Variants in EP300 observed in about 807,000 individuals in gnomAD.
EP300 encodes the protein EP300 lysine acetyltransferase, also known as histone acetyltransferase p300.
Under a neutral mutation model 264.0 loss-of-function variants are expected in EP300, and 31 were observed. The observed-to-expected ratio is 0.12, with a 90% CI of 0.09 to 0.16. The LOEUF (loss-of-function observed/expected upper bound fraction) is 0.16, where lower values mean the gene tolerates loss of function less well. Ranked by LOEUF, EP300 falls within the 10% of genes least tolerant of loss-of-function variation. The pLI is 1.00. For missense variants in EP300, 2,766 were observed against 3,052.9 expected, an observed-to-expected ratio of 0.91 and a Z score of 2.21; for synonymous variants, 1,340 against 1,045.4, an observed-to-expected ratio of 1.28 and a Z score of -5.44.
Position 41,152,400 on chromosome 22 carries a change from C to T in EP300, c.3142+50C>T, listed in dbSNP as rs1199225222. 4 of 1,580,992 alleles carry T rather than the reference C, an allele frequency of 2.5e-6. No homozygotes were observed. The South Asian group carries it at 3.4e-5, about 14-fold the overall frequency. On this transcript the variant is annotated intron_variant, in intron 16 of 30. Transcript: ENST00000263253. The stretch of plus-strand genomic sequence containing the variant: ...TGGAGGTAGCTGAAGAAACCAAAGA[C>T]CCAGGGCAGAATTGCGGTCATGCCT...
chr22:41,140,173 T>A lies in EP300; in HGVS notation c.1794T>A (p.Ala598=). The change falls in exon 9 of 31, where the codon GCT becomes GCA. Residue 598 remains alanine, a synonymous_variant. Transcript: ENST00000263253. The part of the protein sequence containing the change: ...VQAIFPTPDP[A]ALKDRRMENL... ...CCATATTTCCTACGCCGGATCCTGCTGCTTTAAAAGACAGACGGATGGAAA... is the reference window on the plus strand; with the variant it reads ...CCATATTTCCTACGCCGGATCCTGCAGCTTTAAAAGACAGACGGATGGAAA... The A allele has an allele frequency of 6.2e-7, 1 of 1,614,186 alleles. No homozygotes were observed. Among genetic ancestry groups the A allele is most frequent in the South Asian group, 1.1e-5 (1 of 91,088 alleles).
intron 1 of EP300, among the ~76,000 whole-genome samples, chr22:41,100,500 C>T (rs911400604): frequency 4.6e-5 from 7 of 152,042 alleles, no homozygotes; most frequent in Non-Finnish European, 1.0e-4. Flanking sequence ...GTTAGCCTTC[C>T]GTATCTGAGG....
chr22:41,100,737 A>T (rs746047400), intron 1 of EP300, among the ~76,000 whole-genome samples: 1 of 152,168 alleles, frequency 6.6e-6, no homozygotes, highest in African/African-American at 2.4e-5. Context: ...TGCAAATACT[A>T]CATGTCCCCT....
chr22:41,113,841 C>T (rs999378968), intron 1 of EP300, among the ~76,000 whole-genome samples: 76 of 152,166 alleles, frequency 5.0e-4, no homozygotes, highest in African/African-American at 1.8e-3. Flanking sequence ...CCACTGCGCC[C>T]GGCCTTTTTA....
At position 41,157,348 on chromosome 22, in the gene EP300, G is replaced by A. The variant is rs2145747730; in HGVS notation, c.3441G>A (p.Glu1147=). 1.9e-6 allele frequency: 3 copies of A among 1,614,078 alleles called. No individual in the cohort carries two copies. Among genetic ancestry groups the A allele is most frequent in the Non-Finnish European group, 2.5e-6 (3 of 1,179,986 alleles). The change falls in exon 18 of 31, where the codon GAG becomes GAA. Residue 1147 remains glutamate (E), a synonymous_variant. Coordinates refer to ENST00000263253, the MANE Select transcript of EP300 (RefSeq NM_001429.4). ...ACAAATACTGCTCCAAGCTCTCTGA[G>A]GTCTTTGAACAAGAAATTGACCCAG... The part of the protein sequence containing the change: ...RVYKYCSKLS[E]VFEQEIDPVM...
chr22:41,109,742 G>A (rs2058778294), intron 1 of EP300, among the ~76,000 whole-genome samples: 2 of 151,364 alleles, frequency 1.3e-5, no homozygotes, highest in Non-Finnish European at 2.9e-5. Context: ...AGGAGGACGG[G>A]AACGGATGGA....
rs775141102 is a variant in EP300 at position 41,150,145 on chromosome 22, G to C, written c.2764G>C (p.Ala922Pro). Residue 922 changes from alanine to proline, a missense_variant, in exon 14 of 31, where the codon GCG (alanine) becomes CCG (proline). Coordinates refer to ENST00000263253, the MANE Select transcript of EP300 (RefSeq NM_001429.4). ...GCCTCGCTCACAGCAGAGCACAGCA[G>C]CGTCTGTTCCTACCCCAACAGCACC... ...QQPRSQQSTAASVPTPTAPLL... is the reference protein window; with the variant it reads ...QQPRSQQSTAPSVPTPTAPLL... 6.2e-7 allele frequency: 1 copy of C among 1,612,246 alleles called. No homozygotes were observed. Among genetic ancestry groups the C allele is most frequent in the Non-Finnish European group, 8.5e-7 (1 of 1,179,906 alleles).
chr22:41,158,534 T>A (rs2059089973), intron 19 of EP300, 34 bp downstream of exon 19: 3 of 1,533,872 alleles, frequency 2.0e-6, no homozygotes, highest in Non-Finnish European at 2.7e-6. Context: ...ATGGTCCATG[T>A]GTCCACATGT....
chr22:41,100,947 ATGTCT>A (rs2058728568), intron 1 of EP300, among the ~76,000 whole-genome samples: 1 of 152,194 alleles, frequency 6.6e-6, no homozygotes, highest in Admixed American at 6.5e-5. Context: ...ATCATGTAAG[ATGTCT>A]TGTATACGTA....
In EP300 at chr22:41,160,720, A is replaced by T; in HGVS notation, c.3669A>T (p.Gln1223His). The T allele has an allele frequency of 6.2e-7, 1 of 1,613,814 alleles. No homozygotes were observed. The change falls in exon 20 of 31, where the codon CAA (glutamine) becomes CAT (histidine). Residue 1223 changes from glutamine (Q) to histidine (H), a missense_variant and splice_region_variant. Physicochemically the swap from Gln to His is conservative, Grantham distance 24. Transcript: ENST00000263253. ...TGGGGGATGACCCTTCCCAGCCTCA[A>T]ACGTAAGTAACTGCATTATTTTGAA... ...VSLGDDPSQP[Q>H]TTINKEQFSK...
chr22:41,141,001 G>A (rs1300861287), intron 9 of EP300, 47 bp from the exon 10 acceptor site: 1 of 1,570,752 alleles, frequency 6.4e-7, no homozygotes, highest in East Asian at 2.2e-5. Context: ...CCTGGTGGTA[G>A]TTCCTTTTTT....
chr22:41,135,901 T>G lies in EP300; in HGVS notation c.1617T>G (p.Ser539=). ...SDSMLHSAIN[S]QNPMMSENAS... ...CAATGTTGCATTCAGCCATAAATTC[T>G]CAAAAGTAAGTCTTAACGTGATTTA... Residue 539 remains serine (S), a synonymous_variant, in exon 7 of 31, where the codon TCT becomes TCG. Coordinates refer to ENST00000263253, the MANE Select transcript of EP300 (RefSeq NM_001429.4). 6.2e-7 allele frequency: 1 copy of G among 1,613,032 alleles called. No homozygotes were observed. The highest frequency in any genetic ancestry group is 8.5e-7 in the Non-Finnish European group (1 of 1,178,952).
intron 10 of EP300, among the ~76,000 whole-genome samples, chr22:41,144,640 A>AC (rs1384995855): frequency 6.6e-6 from 1 of 151,838 alleles, no homozygotes; most frequent in African/African-American, 2.4e-5. Flanking sequence ...TACAGGTGTG[A>AC]CCCACTGCGC....
Position 41,127,669 on chromosome 22 carries a change from G to T in EP300, c.1089G>T (p.Gln363His). The change falls in exon 4 of 31, where the codon CAG becomes CAT. Residue 363 changes from glutamine (Q) to histidine (H), a missense_variant. By Grantham distance (24) the Gln-to-His change is conservative (BLOSUM62 0). Transcript: ENST00000263253. Reference protein sequence around the residue: ...RREQANGEVRQCNLPHCRTMK... With the variant: ...RREQANGEVRHCNLPHCRTMK... The stretch of plus-strand genomic sequence containing the variant: ...AACAGGCCAATGGGGAAGTGAGGCA[G>T]TGCAACCTTCCCCACTGTCGCACAA... The T allele has an allele frequency of 3.7e-6, 6 of 1,614,226 alleles. No individual in the cohort carries two copies. The highest frequency in any genetic ancestry group is 5.1e-6 in the Non-Finnish European group (6 of 1,180,046).
chr22:41,158,894 G>A, intron 19 of EP300: 1 of 246,264 alleles, frequency 4.1e-6, no homozygotes, highest in Non-Finnish European at 8.2e-6. Context: ...TTCCTTTTTA[G>A]ATGAGGCCTA....
chr22:41,106,101 A>G (rs969879850), intron 1 of EP300, among the ~76,000 whole-genome samples: 1 of 152,222 alleles, frequency 6.6e-6, no homozygotes, highest in African/African-American at 2.4e-5. Flanking sequence ...ACAGAGGGTT[A>G]AAGTAACTTT....
At chr22:41,144,331 G>A (rs997118541) in intron 10 of EP300, among the ~76,000 whole-genome samples, 2 of 152,050 alleles carry the variant, frequency 1.3e-5, no homozygotes, top group African/African-American at 4.8e-5. Flanking sequence ...TTTTGTTTGT[G>A]TATATTTTCT....
At chr22:41,119,730 C>G in intron 2 of EP300, among the ~76,000 whole-genome samples, 1 of 152,078 alleles carries the variant, frequency 6.6e-6, no homozygotes, top group Non-Finnish European at 1.5e-5. Context: ...GTGAGCAAAA[C>G]AAAAATCCCT....
chr22:41,155,187 C>A, intron 17 of EP300, 74 bp downstream of exon 17: 1 of 1,110,758 alleles, frequency 9.0e-7, no homozygotes, highest in Non-Finnish European at 1.4e-6. Context: ...ATTCACATTC[C>A]AAACAGTATA....
Sources: gnomAD v4.1 joint callset for allele counts (sites outside exome capture counted in the v4.1 genomes callset) on GRCh38, gnomAD v4.1.1 for gene constraint, MANE v1.5 for transcripts, NCBI Gene and HGNC (gene_info 2026-07-23, HGNC 2026-07-21) for gene names.